Variants in SDK1 observed in about 807,000 individuals in gnomAD.
The protein encoded by SDK1 is protein sidekick-1.
A neutral mutation model predicts 245.5 loss-of-function variants in SDK1; 157 were observed. The ratio of observed to expected loss-of-function variants is 0.64; its 90% CI spans 0.56 to 0.73. The LOEUF is 0.73. Among genes scored for constraint, SDK1 ranks in the 30% least tolerant of loss-of-function variants. SDK1 has a pLI of 0.00. For synonymous variants in SDK1, 1,647 were observed against 1,278.5 expected (o/e 1.29, Z -6.15); for missense variants, 3,583 against 3,002.3 (o/e 1.19, Z -4.52).
chr7:3,311,834 A>G (rs1229200297), intron 1 of SDK1, among the ~76,000 whole-genome samples: 1 of 152,176 alleles, frequency 6.6e-6, no homozygotes, highest in Non-Finnish European at 1.5e-5. Context: ...CTATGAACAG[A>G]AAATTCAGAG....
chr7:3,730,969 T>C (rs78312043), intron 4 of SDK1, among the ~76,000 whole-genome samples: 1,980 of 152,298 alleles, frequency 0.013, 39 homozygotes, highest in African/African-American at 0.046. Flanking sequence ...TTTGAAAATT[T>C]TGGTTCTCAG....
chr7:4,115,805 T>C (rs562195564), intron 25 of SDK1, among the ~76,000 whole-genome samples: 1 of 152,196 alleles, frequency 6.6e-6, no homozygotes, highest in East Asian at 1.9e-4. Context: ...CTGTTGTTGT[T>C]TTCAGTAGAA....
At chr7:3,509,712 CAG>C (rs1368727839) in intron 1 of SDK1, among the ~76,000 whole-genome samples, 3 of 152,142 alleles carry the variant, frequency 2.0e-5, no homozygotes, top group African/African-American at 7.2e-5. Flanking sequence ...AGGGCAGGCT[CAG>C]AGAGCAGCAG....
intron 4 of SDK1, among the ~76,000 whole-genome samples, chr7:3,739,480 T>C (rs925116260): frequency 2.6e-5 from 4 of 152,166 alleles, no homozygotes; most frequent in Admixed American, 2.6e-4. Context: ...TTCCTTTTAT[T>C]TCTCTTTGTT....
At chr7:3,760,087 C>A (rs932237566) in intron 4 of SDK1, among the ~76,000 whole-genome samples, 1 of 151,380 alleles carries the variant, frequency 6.6e-6, no homozygotes, top group African/African-American at 2.4e-5. Flanking sequence ...TGACTGTTTA[C>A]GCATTGTGCA....
chr7:3,526,512 A>C (rs1396122340), intron 1 of SDK1, among the ~76,000 whole-genome samples: 1 of 152,174 alleles, frequency 6.6e-6, no homozygotes, highest in African/African-American at 2.4e-5. Flanking sequence ...TATATATCTT[A>C]TGTGTGAGTG....
At chr7:3,637,678 T>C (rs1304710735) in intron 2 of SDK1, among the ~76,000 whole-genome samples, 1 of 152,256 alleles carries the variant, frequency 6.6e-6, no homozygotes, top group Admixed American at 6.5e-5. Flanking sequence ...TTTGAAATTG[T>C]ACTAAAAAAT....
At chr7:3,880,712 T>A (rs185126023) in intron 5 of SDK1, among the ~76,000 whole-genome samples, 110 of 152,204 alleles carry the variant, frequency 7.2e-4, no homozygotes, top group African/African-American at 2.5e-3. Flanking sequence ...GTCGAGGTGG[T>A]GGAGCTGACC....
chr7:4,194,682 T>G (rs1425666095), intron 35 of SDK1, among the ~76,000 whole-genome samples: 1 of 152,084 alleles, frequency 6.6e-6, no homozygotes, highest in Admixed American at 6.6e-5. Flanking sequence ...TCTCACTCAT[T>G]TCACGTTTTT....
In SDK1 at chr7:4,005,054, T is replaced by TTTTC. The variant is rs1323513972; in HGVS notation, c.2132-5909_2132-5908insCTTT. Among the ~76,000 whole-genome samples the TTTTC allele has an allele frequency of 9.0e-4, 129 of 143,570 alleles. 1 individual carries two copies. Among genetic ancestry groups the TTTTC allele is most frequent in the African/African-American group, 3.3e-3 (123 of 37,608 alleles). 94.2% of individuals were successfully genotyped at this position (143,570 alleles called of 152,430 possible). A position where few individuals can be genotyped will look rare whatever the true frequency, so the allele number is the denominator to read the frequency against. ...GTTCCTGCACCTTTTTTTTTTTTTT[T>TTTTC]TTTTTTTTTTGAGACGGAGTCTTGC... On this transcript the variant is annotated intron_variant, in intron 14 of 44. Transcript: ENST00000404826.
At chr7:3,810,016 G>C (rs11771351) in intron 4 of SDK1, among the ~76,000 whole-genome samples, 1 of 152,176 alleles carries the variant, frequency 6.6e-6, no homozygotes, top group Non-Finnish European at 1.5e-5. Flanking sequence ...TATCTGCTGT[G>C]TCTTGCTTAG....
chr7:3,840,618 G>A (rs1265617743), intron 5 of SDK1, among the ~76,000 whole-genome samples: 2 of 152,190 alleles, frequency 1.3e-5, no homozygotes, highest in Non-Finnish European at 2.9e-5. Flanking sequence ...GCACGTTAAA[G>A]TTTTAAAAAA....
chr7:3,312,355 A>C (rs1404482934), intron 1 of SDK1, among the ~76,000 whole-genome samples: 1 of 152,210 alleles, frequency 6.6e-6, no homozygotes, highest in Non-Finnish European at 1.5e-5. Flanking sequence ...TTGCCCAGCT[A>C]CACAAGGAAA....
At chr7:4,171,158 G>T (rs1469542310) in intron 32 of SDK1, among the ~76,000 whole-genome samples, 2 of 152,200 alleles carry the variant, frequency 1.3e-5, no homozygotes, top group African/African-American at 4.8e-5. Flanking sequence ...AGGGGTCAGT[G>T]GCCACAGGGT....
intron 1 of SDK1, among the ~76,000 whole-genome samples, chr7:3,520,239 GTTCATAGTTTCACCCTGC>G (rs2128614274): frequency 6.6e-6 from 1 of 152,232 alleles, no homozygotes; most frequent in Non-Finnish European, 1.5e-5. Flanking sequence ...GGACCAACAG[GTTCATAGTTTCACCCTGC>G]TTTCTTTTAG....
At chr7:3,897,816 T>C (rs1333005837) in intron 5 of SDK1, among the ~76,000 whole-genome samples, 1 of 152,200 alleles carries the variant, frequency 6.6e-6, no homozygotes, top group Non-Finnish European at 1.5e-5. Flanking sequence ...TTGGGAACTT[T>C]GATCAAATCC....
At position 4,181,672 on chromosome 7, in the gene SDK1, G is replaced by A. The variant is rs377311470; in HGVS notation, c.5098+3086G>A. 8.5e-5 allele frequency among the ~76,000 whole-genome samples: 13 copies of A among 152,306 alleles called. No homozygotes were observed. In the South Asian group the frequency reaches 1.7e-3, roughly 19 times the overall value. ...GACTCACCTCTGCCCAGAGGCCTGG[G>A]CTCTGCCACCTGCACCCTTTGCAGT... On this transcript the variant is annotated intron_variant, in intron 35 of 44. Coordinates refer to ENST00000404826, the MANE Select transcript of SDK1 (RefSeq NM_152744.4).
intron 1 of SDK1, among the ~76,000 whole-genome samples, chr7:3,489,615 A>T (rs914121072): frequency 2.0e-5 from 3 of 152,154 alleles, no homozygotes; most frequent in African/African-American, 7.2e-5. Context: ...GTAACTCAAG[A>T]TGTGATTAGC....
At chr7:3,670,101 C>G (rs562609665) in intron 4 of SDK1, among the ~76,000 whole-genome samples, 1 of 152,186 alleles carries the variant, frequency 6.6e-6, no homozygotes, top group African/African-American at 2.4e-5. Flanking sequence ...CAAACTCTTG[C>G]CTCTTTCATT....
Sources: gnomAD v4.1 joint callset for allele counts (sites outside exome capture counted in the v4.1 genomes callset) on GRCh38, gnomAD v4.1.1 for gene constraint, MANE v1.5 for transcripts, NCBI Gene and HGNC (gene_info 2026-07-23, HGNC 2026-07-21) for gene names.